The following PPP1R9A variants were observed in gnomAD, a reference collection of about 807,000 sequenced individuals.
The protein encoded by PPP1R9A is protein phosphatase 1 regulatory subunit 9A.
Under a neutral mutation model 141.9 loss-of-function variants are expected in PPP1R9A, and 59 were observed. The observed-to-expected ratio is 0.42, with a 90% CI of 0.34 to 0.52. The LOEUF (loss-of-function observed/expected upper bound fraction) is 0.52, where lower values mean the gene tolerates loss of function less well. Ranked by LOEUF, PPP1R9A falls within the 20% of genes least tolerant of loss-of-function variation. PPP1R9A has a pLI of 0.10. For synonymous variants in PPP1R9A, 500 were observed against 569.7 expected, an observed-to-expected ratio of 0.88 and a Z score of 1.74; for missense variants, 1,444 against 1,611.9, an observed-to-expected ratio of 0.90 and a Z score of 1.78.
At chr7:94,955,516 C>G (rs948582272) in intron 2 of PPP1R9A, among the ~76,000 whole-genome samples, 1 of 151,934 alleles carries the variant, frequency 6.6e-6, no homozygotes, top group Non-Finnish European at 1.5e-5. Context: ...CTTGCTTGCT[C>G]TAATTGCTGT....
intron 4 of PPP1R9A, chr7:95,155,618 C>G (rs1441911375): frequency 2.0e-5 from 3 of 152,044 alleles, no homozygotes; most frequent in Admixed American, 2.0e-4. Context: ...CTCAGTGGAT[C>G]CTCCAAAAGT....
intron 5 of PPP1R9A, among the ~76,000 whole-genome samples, chr7:95,192,159 A>G (rs1247890271): frequency 6.6e-6 from 1 of 151,902 alleles, no homozygotes; most frequent in African/African-American, 2.4e-5. Context: ...AATCAACTCT[A>G]TTTTCAATAC....
At chr7:95,172,545 A>G (rs62467341) in intron 5 of PPP1R9A, among the ~76,000 whole-genome samples, 4,109 of 151,902 alleles carry the variant, frequency 0.027, 87 homozygotes, top group Non-Finnish European at 0.042. Flanking sequence ...ACAGCATCCA[A>G]AATATTAAAT....
chr7:95,057,236 A>G (rs975740592), intron 2 of PPP1R9A, among the ~76,000 whole-genome samples: 1 of 152,050 alleles, frequency 6.6e-6, no homozygotes, highest in African/African-American at 2.4e-5. Flanking sequence ...TCATTCAACC[A>G]CAGCTGTTTT....
At chr7:95,173,203 T>G (rs1832395582) in intron 5 of PPP1R9A, among the ~76,000 whole-genome samples, 1 of 151,858 alleles carries the variant, frequency 6.6e-6, no homozygotes, top group African/African-American at 2.4e-5. Context: ...TTCTCATATA[T>G]AAATTGGAGC....
intron 2 of PPP1R9A, among the ~76,000 whole-genome samples, chr7:95,065,699 C>G (rs1346014156): frequency 1.3e-5 from 2 of 152,070 alleles, no homozygotes; most frequent in African/African-American, 4.8e-5. Flanking sequence ...GTGCACAGCT[C>G]GGTTGTACTT....
chr7:94,999,773 CTTATTTTA>C (rs1385345676), intron 2 of PPP1R9A, among the ~76,000 whole-genome samples: 5 of 134,858 alleles, frequency 3.7e-5, no homozygotes, highest in Non-Finnish European at 6.2e-5. Flanking sequence ...GCTGAGATAT[CTTATTTTA>C]TTTATTTATT....
chr7:95,097,509 C>G (rs1818201236), intron 2 of PPP1R9A, among the ~76,000 whole-genome samples: 1 of 152,152 alleles, frequency 6.6e-6, no homozygotes, highest in Non-Finnish European at 1.5e-5. Flanking sequence ...GACTTTTTCA[C>G]TATTTCTTAA....
At chr7:95,064,862 C>T (rs1057277821) in intron 2 of PPP1R9A, among the ~76,000 whole-genome samples, 2 of 152,114 alleles carry the variant, frequency 1.3e-5, no homozygotes, top group Non-Finnish European at 2.9e-5. Flanking sequence ...AATGACTTTA[C>T]TGTAACATCT....
chr7:95,115,570 T>A (rs1256070377), intron 3 of PPP1R9A, among the ~76,000 whole-genome samples: 2 of 152,014 alleles, frequency 1.3e-5, no homozygotes, highest in Non-Finnish European at 2.9e-5. Context: ...CAACTACAAT[T>A]GTGAATATAT....
intron 2 of PPP1R9A, among the ~76,000 whole-genome samples, chr7:95,109,167 T>C (rs1212599945): frequency 6.6e-6 from 1 of 152,240 alleles, no homozygotes; most frequent in African/African-American, 2.4e-5. Context: ...TAGGGTCTTA[T>C]ATTTGAAATA....
At chr7:94,987,282 C>T (rs1030626569) in intron 2 of PPP1R9A, among the ~76,000 whole-genome samples, 4 of 151,888 alleles carry the variant, frequency 2.6e-5, no homozygotes, top group East Asian at 3.8e-4. Flanking sequence ...AGATAAGCAG[C>T]GTCTCAAAAT....
intron 14 of PPP1R9A, among the ~76,000 whole-genome samples, chr7:95,271,402 T>C (rs1327929382): frequency 6.6e-6 from 1 of 152,148 alleles, no homozygotes; most frequent in Non-Finnish European, 1.5e-5. Context: ...CCTTGAGACA[T>C]ACCTTGACTA....
At chr7:95,024,404 G>C (rs778819817) in intron 2 of PPP1R9A, among the ~76,000 whole-genome samples, 1 of 152,140 alleles carries the variant, frequency 6.6e-6, no homozygotes, top group Admixed American at 6.5e-5. Context: ...TATTGTGTGG[G>C]AGTCTAAATC....
intron 2 of PPP1R9A, among the ~76,000 whole-genome samples, chr7:95,064,722 C>T (rs754223872): frequency 6.6e-5 from 10 of 152,072 alleles, no homozygotes; most frequent in African/African-American, 1.7e-4. Context: ...TTGAAATCCA[C>T]GAATAATGAG....
At chr7:95,147,626 ATGGGTTTG>A (rs2152626275) in intron 4 of PPP1R9A, among the ~76,000 whole-genome samples, 1 of 152,168 alleles carries the variant, frequency 6.6e-6, no homozygotes, top group Non-Finnish European at 1.5e-5. Context: ...GATATTGGCT[ATGGGTTTG>A]TCATAAATAG....
rs148123626 is a variant in PPP1R9A at position 95,252,193 on chromosome 7, C to A, written c.2665+63C>A. On this transcript the variant is annotated intron_variant, in intron 12 of 19. Coordinates refer to ENST00000433360, the MANE Select transcript of PPP1R9A (RefSeq NM_001166160.2). Reference sequence around the variant, plus strand: ...CTGTGTAATTTGGCCTTTTATTTTTCTTTTTCTGACCCAGAGATTTAAAAG... The same window carrying A: ...CTGTGTAATTTGGCCTTTTATTTTTATTTTTCTGACCCAGAGATTTAAAAG... 5.5e-6 allele frequency: 8 copies of A among 1,447,000 alleles called. No individual in the cohort carries two copies. The African/African-American group carries it at 1.0e-4, about 18-fold the overall frequency. 89.6% of individuals were successfully genotyped at this position (1,447,000 alleles called of 1,614,324 possible).
intron 2 of PPP1R9A, among the ~76,000 whole-genome samples, chr7:94,927,258 G>A (rs1227427364): frequency 6.6e-6 from 1 of 152,014 alleles, no homozygotes; most frequent in African/African-American, 2.4e-5. Flanking sequence ...TATTTTCAGG[G>A]CCCTTGATAA....
chr7:95,030,950 G>A (rs2151812954), intron 2 of PPP1R9A, among the ~76,000 whole-genome samples: 1 of 152,276 alleles, frequency 6.6e-6, no homozygotes, highest in African/African-American at 2.4e-5. Flanking sequence ...TGGAGTTGTG[G>A]GGAATATAGG....
Sources: gnomAD v4.1 joint callset for allele counts (sites outside exome capture counted in the v4.1 genomes callset) on GRCh38, gnomAD v4.1.1 for gene constraint, MANE v1.5 for transcripts, NCBI Gene and HGNC (gene_info 2026-07-23, HGNC 2026-07-21) for gene names.